Variants in SCIMP observed in about 807,000 individuals in gnomAD.
SCIMP encodes the protein SLP adaptor and CSK interacting membrane protein.
In SCIMP, 18 loss-of-function variants were observed where a neutral mutation model predicts 22.0. The ratio of observed to expected loss-of-function variants is 0.82; its 90% CI spans 0.56 to 1.21. The LOEUF (loss-of-function observed/expected upper bound fraction) is 1.21. Among genes scored for constraint, SCIMP ranks in the 50% most tolerant of loss-of-function variants. SCIMP has a pLI of 0.00. For missense variants in SCIMP, 155 were observed against 171.2 expected (o/e 0.91, Z 0.53); for synonymous variants, 53 against 62.2 (o/e 0.85, Z 0.70).
At position 5,210,114 on chromosome 17, in the gene SCIMP, C is replaced by A. The variant is rs1480131697; in HGVS notation, c.*687G>T. 1 of 152,144 alleles carries A rather than the reference C, an allele frequency of 6.6e-6. No individual in the cohort carries two copies. Among genetic ancestry groups the A allele is most frequent in the Non-Finnish European group, 1.5e-5 (1 of 68,046 alleles). 9.4% of individuals were successfully genotyped at this position (152,144 alleles called of 1,614,324 possible). A position where few individuals can be genotyped will look rare whatever the true frequency, so the allele number is the denominator to read the frequency against. On this transcript the variant is annotated 3_prime_UTR_variant, in exon 5 of 5. Coordinates refer to ENST00000574081, the MANE Select transcript of SCIMP (RefSeq NM_207103.3). ...TTGTCCTTTGTCCATTGTTACAGTA[C>A]AACTTGCAAGCACGGGGAGAAAACC...
At chr17:5,220,181 C>T (rs565195806) in intron 3 of SCIMP, among the ~76,000 whole-genome samples, 8 of 152,164 alleles carry the variant, frequency 5.3e-5, no homozygotes, top group Admixed American at 1.3e-4. Context: ...TTTTCTTCAG[C>T]GCAGTAGCTT....
chr17:5,212,507 A>C (rs550931574), intron 4 of SCIMP, among the ~76,000 whole-genome samples: 5 of 152,244 alleles, frequency 3.3e-5, no homozygotes, highest in African/African-American at 1.2e-4. Flanking sequence ...GGTGGCAGGC[A>C]CCTGTAGTCC....
At chr17:5,231,002 T>G (rs2074689612) in intron 1 of SCIMP, among the ~76,000 whole-genome samples, 1 of 152,288 alleles carries the variant, frequency 6.6e-6, no homozygotes, top group East Asian at 1.9e-4. Flanking sequence ...TAACTGGACT[T>G]CCACTAGCTT....
chr17:5,224,438 GTTTT>G (rs757457259), intron 1 of SCIMP, among the ~76,000 whole-genome samples: 3,654 of 90,480 alleles, frequency 0.04, 70 homozygotes, highest in Non-Finnish European at 0.05. Flanking sequence ...CACCAGGCCA[GTTTT>G]TTTGTTTGTT....
At position 5,209,879 on chromosome 17, in the gene SCIMP, G is replaced by C. The variant is rs1186064701; in HGVS notation, c.*922C>G. ...ATCTGGAAGGAAGGGGCTTGAGGCT[G>C]TTTTCCTAGAACTCGAGTAAGTACT... On this transcript the variant is annotated 3_prime_UTR_variant, in exon 5 of 5. Transcript: ENST00000574081. The C allele has an allele frequency of 6.6e-6, 1 of 152,186 alleles. No homozygotes were observed. Among genetic ancestry groups the C allele is most frequent in the African/African-American group, 2.4e-5 (1 of 41,432 alleles). 9.4% of individuals were successfully genotyped at this position (152,186 alleles called of 1,614,324 possible).
rs746732086 is a variant in SCIMP at position 5,221,070 on chromosome 17, AAGAG to A, written c.209+213_209+216del. 415 of 636,080 alleles carry A rather than the reference AAGAG, an allele frequency of 6.5e-4. No individual in the cohort carries two copies. In the East Asian group the frequency reaches 0.012, roughly 19 times the overall value. The allele number at this position is 636,080 out of a possible 1,614,324, so 39.4% of individuals were successfully genotyped here. On this transcript the variant is annotated intron_variant, in intron 3 of 4. Transcript: ENST00000574081. ...AAGACTCCATCTCAAAAAAAAAAAA[AAGAG>A]AGAGAGAGATGAGAGGAGGGAGGAC...
intron 2 of SCIMP, 124 bp from the exon 3 acceptor site, chr17:5,221,474 G>T: frequency 1.3e-6 from 1 of 742,868 alleles, no homozygotes; most frequent in East Asian, 2.6e-5. Context: ...TTAGAACCCA[G>T]ACAGTCTAAC....
chr17:5,231,891 TA>T (rs746329722), intron 1 of SCIMP, among the ~76,000 whole-genome samples: 1 of 151,650 alleles, frequency 6.6e-6, no homozygotes, highest in Non-Finnish European at 1.5e-5. Context: ...TGTCTCTACT[TA>T]AAAAATACAA....
At chr17:5,226,941 T>G (rs895427295) in intron 1 of SCIMP, among the ~76,000 whole-genome samples, 1 of 152,042 alleles carries the variant, frequency 6.6e-6, no homozygotes, top group Admixed American at 6.6e-5. Context: ...ATGGCCAAGG[T>G]GCTTCCAGAG....
In SCIMP at chr17:5,228,359, A is replaced by T. The variant is rs561740556; in HGVS notation, c.22-4903T>A. Among the ~76,000 whole-genome samples the T allele has an allele frequency of 1.1e-4, 16 of 149,912 alleles. 1 individual carries two copies. Among genetic ancestry groups the T allele is most frequent in the African/African-American group, 1.7e-4 (7 of 40,642 alleles). ...AAATCTTGTCTCAAAAAAAAAAAAA[A>T]TGCATTGAGCACAGTGGCTCACACC... is the stretch of plus-strand genomic sequence containing the variant. On this transcript the variant is annotated intron_variant, in intron 1 of 4. Transcript: ENST00000574081.
intron 3 of SCIMP, among the ~76,000 whole-genome samples, chr17:5,220,106 A>G (rs2074594802): frequency 6.6e-6 from 1 of 152,156 alleles, no homozygotes; most frequent in Admixed American, 6.6e-5. Flanking sequence ...GAGATCCCCA[A>G]CGCAGATATT....
In SCIMP at chr17:5,221,270, G is replaced by A. The variant is rs374572309; in HGVS notation, c.209+17C>T. ...AGTTCTCAACAGTAAAAAGCGGAAGGATTCCCCCCTACTTACTCATACATC... is the reference window on the plus strand; with the variant it reads ...AGTTCTCAACAGTAAAAAGCGGAAGAATTCCCCCCTACTTACTCATACATC... On this transcript the variant is annotated intron_variant, in intron 3 of 4. Coordinates refer to ENST00000574081, the MANE Select transcript of SCIMP (RefSeq NM_207103.3). 4.4e-6 allele frequency: 7 copies of A among 1,593,996 alleles called. No individual in the cohort carries two copies. The highest frequency in any genetic ancestry group is 4.3e-6 in the Non-Finnish European group (5 of 1,161,712).
rs575319183 is a variant in SCIMP at position 5,220,476 on chromosome 17, C to T, written c.209+811G>A. Among the ~76,000 whole-genome samples the T allele has an allele frequency of 2.0e-3, 305 of 149,892 alleles. 1 individual carries two copies. The highest frequency in any genetic ancestry group is 7.3e-3 in the African/African-American group (296 of 40,806). On this transcript the variant is annotated intron_variant, in intron 3 of 4. Transcript: ENST00000574081. The stretch of plus-strand genomic sequence containing the variant: ...AAAAGAGGCTGGGTGCAGTGGCTCA[C>T]GTCTATAATCCCAGCACTTTGGGAG...
intron 3 of SCIMP, among the ~76,000 whole-genome samples, chr17:5,217,406 GTGTGTT>G (rs938992469): frequency 4.1e-5 from 6 of 146,640 alleles, no homozygotes; most frequent in Admixed American, 1.3e-4. Context: ...GTGTGTGTGT[GTGTGTT>G]TGTTTTATTA....
At chr17:5,224,163 C>T (rs988864127) in intron 1 of SCIMP, among the ~76,000 whole-genome samples, 4 of 152,278 alleles carry the variant, frequency 2.6e-5, no homozygotes, top group Non-Finnish European at 5.9e-5. Context: ...GAGACGGAGT[C>T]TCGCTCTGTA....
intron 2 of SCIMP, 144 bp downstream of exon 2, chr17:5,223,189 G>T: frequency 2.5e-6 from 2 of 785,404 alleles, no homozygotes; most frequent in Non-Finnish European, 2.1e-6. Context: ...GGCAGGGTTA[G>T]GACTCAAACC....
intron 1 of SCIMP, among the ~76,000 whole-genome samples, chr17:5,225,408 T>G (rs2074639833): frequency 6.6e-6 from 1 of 151,232 alleles, no homozygotes; most frequent in Admixed American, 6.6e-5. Flanking sequence ...GAGGTGGCAG[T>G]AAGCCGAGAT....
At chr17:5,218,149 C>T (rs1057462994) in intron 3 of SCIMP, among the ~76,000 whole-genome samples, 11 of 151,846 alleles carry the variant, frequency 7.2e-5, no homozygotes, top group African/African-American at 2.7e-4. Context: ...CCTCAGCCTC[C>T]CAAGTAGCTG....
chr17:5,217,342 C>T (rs2074572263), intron 3 of SCIMP, among the ~76,000 whole-genome samples: 1 of 151,842 alleles, frequency 6.6e-6, no homozygotes, highest in African/African-American at 2.4e-5. Context: ...AGAAAAGAGC[C>T]ACATTCTGCA....
Sources: allele counts gnomAD v4.1 joint callset (sites outside exome capture counted in the v4.1 genomes callset), GRCh38; gene constraint gnomAD v4.1.1; transcripts MANE v1.5; gene names NCBI Gene and HGNC (gene_info 2026-07-23, HGNC 2026-07-21).